Variants in JARID2 observed in about 807,000 individuals in gnomAD.
The protein encoded by JARID2 is jumonji and AT-rich interaction domain containing 2, also known as protein Jumonji.
JARID2 carries 21 observed loss-of-function variants against 125.6 expected under a neutral mutation model. The ratio of observed to expected loss-of-function variants is 0.17; its 90% CI spans 0.12 to 0.24. JARID2 has a LOEUF of 0.24. JARID2 is among the 10% of genes least tolerant of loss of function. The probability of loss-of-function intolerance (pLI) is 1.00; values close to 1 mark genes in which losing one functional copy is unlikely to be tolerated. For synonymous variants in JARID2, 736 were observed against 661.6 expected (o/e 1.11, Z -1.73); for missense variants, 1,303 against 1,639.6 (o/e 0.79, Z 3.55).
intron 2 of JARID2, among the ~76,000 whole-genome samples, chr6:15,404,715 A>C (rs1765581089): frequency 6.6e-6 from 1 of 152,182 alleles, no homozygotes; most frequent in African/African-American, 2.4e-5. Flanking sequence ...CTTTTCTACA[A>C]CAAAGCTAAA....
chr6:15,314,991 T>C (rs1387942483), intron 1 of JARID2: 1 of 152,206 alleles, frequency 6.6e-6, no homozygotes, highest in Non-Finnish European at 1.5e-5. Context: ...TGTATGCAAG[T>C]ATGACACAGA....
At chr6:15,289,673 T>TAAA (rs1488947202) in intron 1 of JARID2, among the ~76,000 whole-genome samples, 6 of 152,026 alleles carry the variant, frequency 3.9e-5, no homozygotes, top group African/African-American at 1.4e-4. Context: ...GTCAACAAGG[T>TAAA]AAAACCCTGT....
In JARID2 at chr6:15,452,058, A is replaced by C; in HGVS notation, c.376A>C (p.Ser126Arg). Reference protein sequence around the residue: ...KFAQSQPNSPSTTPVKIVEPL... With the variant: ...KFAQSQPNSPRTTPVKIVEPL... The stretch of plus-strand genomic sequence containing the variant: ...TGCTCAGTCTCAGCCGAATAGTCCC[A>C]GCACAACTCCAGTAAAGATAGTGGA... The change falls in exon 4 of 18, where the codon AGC becomes CGC. Residue 126 changes from serine (S) to arginine (R), a missense_variant. Physicochemically the swap from Ser to Arg is moderately radical, Grantham distance 110 (BLOSUM62 -1). Around this residue, in one of 11 missense-constraint regions of JARID2, gnomAD observed 42 missense variants for 35.7 expected, o/e 1.18. Transcript: ENST00000341776. 6.2e-7 allele frequency: 1 copy of C among 1,614,162 alleles called. No homozygotes were observed. Among genetic ancestry groups the C allele is most frequent in the Non-Finnish European group, 8.5e-7 (1 of 1,180,030 alleles).
intron 3 of JARID2, among the ~76,000 whole-genome samples, chr6:15,436,813 T>C (rs1369229850): frequency 7.8e-6 from 1 of 127,404 alleles, no homozygotes; most frequent in African/African-American, 3.3e-5. Flanking sequence ...TTTCTTGTGA[T>C]TTTTTTTTTC....
At chr6:15,440,465 C>G (rs1394058363) in intron 3 of JARID2, among the ~76,000 whole-genome samples, 2 of 152,122 alleles carry the variant, frequency 1.3e-5, no homozygotes, top group Non-Finnish European at 2.9e-5. Flanking sequence ...TTCAGTGATG[C>G]CATTTGGTTT....
intron 3 of JARID2, among the ~76,000 whole-genome samples, chr6:15,433,545 T>C (rs566685826): frequency 2.0e-5 from 3 of 152,194 alleles, no homozygotes; most frequent in Non-Finnish European, 4.4e-5. Flanking sequence ...AAGCAACTTA[T>C]TAGAGCAAAC....
intron 1 of JARID2, among the ~76,000 whole-genome samples, chr6:15,343,120 T>C (rs900548834): frequency 6.6e-6 from 1 of 151,346 alleles, no homozygotes; most frequent in African/African-American, 2.4e-5. Flanking sequence ...TCGCAGCTAC[T>C]TGGGAGGCTG....
At chr6:15,457,696 G>C (rs1309009810) in intron 4 of JARID2, among the ~76,000 whole-genome samples, 1 of 151,660 alleles carries the variant, frequency 6.6e-6, no homozygotes, top group Non-Finnish European at 1.5e-5. Context: ...AAATCGTGAG[G>C]CCAAGGGAAA....
intron 3 of JARID2, among the ~76,000 whole-genome samples, chr6:15,435,961 G>T (rs1767183363): frequency 6.6e-6 from 1 of 152,068 alleles, no homozygotes; most frequent in African/African-American, 2.4e-5. Flanking sequence ...CCCTCTCAGG[G>T]CGTGCGATGG....
At chr6:15,305,922 A>G (rs531724154) in intron 1 of JARID2, among the ~76,000 whole-genome samples, 5 of 152,352 alleles carry the variant, frequency 3.3e-5, no homozygotes, top group Middle Eastern at 3.4e-3. Flanking sequence ...TTAATACATT[A>G]TTCTGAACTT....
intron 3 of JARID2, among the ~76,000 whole-genome samples, chr6:15,432,204 G>A (rs1167672713): frequency 6.6e-6 from 1 of 152,124 alleles, no homozygotes; most frequent in African/African-American, 2.4e-5. Context: ...TAAGGCGGGT[G>A]GATCTCTTGA....
intron 2 of JARID2, among the ~76,000 whole-genome samples, chr6:15,384,068 A>G (rs549914239): frequency 6.6e-6 from 1 of 152,302 alleles, no homozygotes; most frequent in South Asian, 2.1e-4. Context: ...TGCTGGGATT[A>G]TAGGCGTGAG....
intron 1 of JARID2, among the ~76,000 whole-genome samples, chr6:15,291,529 T>G (rs1248982815): frequency 6.6e-6 from 1 of 152,130 alleles, no homozygotes; most frequent in African/African-American, 2.4e-5. Context: ...GGGAGTTTCT[T>G]GGATGAGAGG....
intron 16 of JARID2, among the ~76,000 whole-genome samples, chr6:15,514,110 G>A (rs1771428669): frequency 6.6e-6 from 1 of 152,176 alleles, no homozygotes; most frequent in South Asian, 2.1e-4. Flanking sequence ...TCCTCCCCCT[G>A]CTCACCCCTG....
chr6:15,471,910 A>G (rs1028029538), intron 5 of JARID2, among the ~76,000 whole-genome samples: 4 of 152,216 alleles, frequency 2.6e-5, no homozygotes, highest in Non-Finnish European at 4.4e-5. Context: ...ATCTATAGAT[A>G]CATATCTCTG....
In JARID2 at chr6:15,352,876, A is replaced by G. The variant is rs149141029; in HGVS notation, c.46-21241A>G. On this transcript the variant is annotated intron_variant, in intron 1 of 17. Transcript: ENST00000341776. ...TACAGCTGCAAAGGGCTATTGAGAC[A>G]TCAATACATCTTTTGCTTTTATTGG... Among the ~76,000 whole-genome samples, 22 of 152,356 alleles carry G rather than the reference A, an allele frequency of 1.4e-4. No individual in the cohort carries two copies. In the East Asian group the frequency reaches 4.2e-3, roughly 29 times the overall value.
intron 1 of JARID2, among the ~76,000 whole-genome samples, chr6:15,372,248 C>G (rs1000063878): frequency 2.0e-5 from 3 of 152,118 alleles, no homozygotes; most frequent in African/African-American, 4.8e-5. Flanking sequence ...TTTGTATAAA[C>G]CAGTAAAACA....
intron 3 of JARID2, among the ~76,000 whole-genome samples, chr6:15,451,077 C>T (rs545780975): frequency 2.6e-5 from 4 of 152,302 alleles, no homozygotes; most frequent in East Asian, 1.9e-4. Context: ...GTAGGAGAAT[C>T]GCTTGAACCT....
chr6:15,518,152 C>T (rs1368731456), intron 17 of JARID2, among the ~76,000 whole-genome samples: 1 of 152,204 alleles, frequency 6.6e-6, no homozygotes, highest in African/African-American at 2.4e-5. Flanking sequence ...AGCAAATGTC[C>T]AGGCACAGTT....
Sources: allele counts gnomAD v4.1 joint callset (sites outside exome capture counted in the v4.1 genomes callset), GRCh38; gene constraint gnomAD v4.1.1; regional missense constraint gnomAD v4.1.1; transcripts MANE v1.5; gene names NCBI Gene and HGNC (gene_info 2026-07-23, HGNC 2026-07-21).